The following EDDM3A variants were observed in gnomAD, a reference collection of about 807,000 sequenced individuals.
EDDM3A encodes epididymal secretory protein E3-alpha.
For synonymous variants in EDDM3A, 75 were observed against 60.4 expected, an observed-to-expected ratio of 1.24 and a Z score of -1.12; for missense variants, 199 against 177.4, an observed-to-expected ratio of 1.12 and a Z score of -0.69.
the EDDM3A span, among the ~76,000 whole-genome samples, chr14:20,740,167 G>C: frequency 6.6e-6 from 1 of 152,202 alleles, no homozygotes; most frequent in Non-Finnish European, 1.5e-5. Context: ...TTGTCTGACT[G>C]TCATAAAAAT....
At chr14:20,738,875 A>G in the EDDM3A span, among the ~76,000 whole-genome samples, 3 of 152,094 alleles carry the variant, frequency 2.0e-5, no homozygotes, top group Non-Finnish European at 4.4e-5. Flanking sequence ...AATGAGGGAA[A>G]GTTTGGTCAT....
the EDDM3A span, among the ~76,000 whole-genome samples, chr14:20,736,115 T>C: frequency 1.3e-5 from 2 of 151,906 alleles, no homozygotes; most frequent in African/African-American, 4.8e-5. Flanking sequence ...CACTTTTTTT[T>C]TTTTTTTTCT....
upstream of EDDM3A, among the ~76,000 whole-genome samples, chr14:20,741,723 T>C (rs759959396): frequency 3.3e-5 from 5 of 152,128 alleles, no homozygotes; most frequent in African/African-American, 4.8e-5. Flanking sequence ...AGAACTTCTG[T>C]AATAAGGATC....
the EDDM3A span, among the ~76,000 whole-genome samples, chr14:20,740,031 T>A: frequency 6.6e-6 from 1 of 152,092 alleles, no homozygotes; most frequent in Non-Finnish European, 1.5e-5. Flanking sequence ...CATCTCCCTG[T>A]CCCAAGACTG....
In EDDM3A at chr14:20,748,116, G is replaced by A. The variant is rs898951156; in HGVS notation, c.*92G>A. 4.3e-5 allele frequency: 38 copies of A among 888,496 alleles called. No individual in the cohort carries two copies. Among genetic ancestry groups the A allele is most frequent in the East Asian group, 1.8e-4 (7 of 39,730 alleles). The allele number at this position is 888,496 out of a possible 1,614,324, so 55.0% of individuals were successfully genotyped here. Reference sequence around the variant, plus strand: ...CCATCAATAGCCCCTGCCACTCCCCGCTTACATTTATGTGTCAGTGTTTTC... The same window carrying A: ...CCATCAATAGCCCCTGCCACTCCCCACTTACATTTATGTGTCAGTGTTTTC... On this transcript the variant is annotated 3_prime_UTR_variant, in exon 2 of 2. Coordinates refer to ENST00000326842, the MANE Select transcript of EDDM3A (RefSeq NM_006683.5).
At chr14:20,740,861 C>T in the EDDM3A span, among the ~76,000 whole-genome samples, 3 of 139,856 alleles carry the variant, frequency 2.1e-5, no homozygotes, top group Admixed American at 2.0e-4. Context: ...TCACACCTGT[C>T]AGAGGACCTA....
rs556554820 is a variant in EDDM3A, at chr14:20,748,171, T to C, written c.*147T>C. On this transcript the variant is annotated 3_prime_UTR_variant, in exon 2 of 2. Transcript: ENST00000326842. ...TACTTAGAGTTTATGTACCTCGTGA[T>C]TTCTTGATACCAAATCTTTGTGTGG... is the stretch of plus-strand genomic sequence containing the variant. The C allele has an allele frequency of 5.1e-6, 3 of 588,578 alleles. No homozygotes were observed. The highest frequency in any genetic ancestry group is 3.7e-5 in the African/African-American group (2 of 53,438). 36.5% of individuals were successfully genotyped at this position (588,578 alleles called of 1,614,324 possible). A position where few individuals can be genotyped will look rare whatever the true frequency, so the allele number is the denominator to read the frequency against.
chr14:20,736,721 A>AT, the EDDM3A span, among the ~76,000 whole-genome samples: 3 of 151,494 alleles, frequency 2.0e-5, no homozygotes, highest in Admixed American at 2.0e-4. Flanking sequence ...TTATTTATTT[A>AT]TTTTTTTAAG....
the EDDM3A span, among the ~76,000 whole-genome samples, chr14:20,736,864 C>A: frequency 6.6e-6 from 1 of 152,006 alleles, no homozygotes; most frequent in Non-Finnish European, 1.5e-5. Flanking sequence ...GCGTGAGCCA[C>A]CATGCCTGGC....
chr14:20,743,749 G>A (rs772915221), upstream of EDDM3A, among the ~76,000 whole-genome samples: 9 of 152,128 alleles, frequency 5.9e-5, 1 homozygote, highest in South Asian at 4.1e-4. Context: ...GACCCATTAC[G>A]TAGTTTCCAG....
At chr14:20,746,172 C>T (rs767232027) in intron 1 of EDDM3A, among the ~76,000 whole-genome samples, 180 bp downstream of exon 1, 7 of 152,290 alleles carry the variant, frequency 4.6e-5, no homozygotes, top group Middle Eastern at 3.4e-3. Flanking sequence ...CTTCCTTCAC[C>T]GCCAGTCCTC....
the EDDM3A span, among the ~76,000 whole-genome samples, chr14:20,739,377 C>A: frequency 6.6e-6 from 1 of 152,198 alleles, no homozygotes; most frequent in Non-Finnish European, 1.5e-5. Context: ...TGATATCCAT[C>A]CCTTATTTGG....
At chr14:20,738,169 G>A in the EDDM3A span, among the ~76,000 whole-genome samples, 1 of 152,130 alleles carries the variant, frequency 6.6e-6, no homozygotes, top group African/African-American at 2.4e-5. Context: ...AGTCAGAAGA[G>A]ATTAGTATCA....
At position 20,747,826 on chromosome 14, in the gene EDDM3A, T is replaced by G. The variant is rs933150822; in HGVS notation, c.246T>G (p.Asn82Lys). The G allele has an allele frequency of 1.2e-6, 2 of 1,613,976 alleles. No individual in the cohort carries two copies. The highest frequency in any genetic ancestry group is 1.7e-6 in the Non-Finnish European group (2 of 1,180,028). The change falls in exon 2 of 2, where the codon AAT becomes AAG. Residue 82 changes from asparagine (N) to lysine (K), a missense_variant. Physicochemically the swap from Asn to Lys is moderately conservative, Grantham distance 94. Coordinates refer to ENST00000326842, the MANE Select transcript of EDDM3A (RefSeq NM_006683.5). Reference sequence around the variant, plus strand: ...TCAAAATTCAGCGTGCATGCATCAATGAGAAGGGGAGCGACCGATATAGAA... The same window carrying G: ...TCAAAATTCAGCGTGCATGCATCAAGGAGAAGGGGAGCGACCGATATAGAA... Reference protein sequence around the residue: ...LWFKIQRACINEKGSDRYRNA... With the variant: ...LWFKIQRACIKEKGSDRYRNA...
At chr14:20,746,725 A>C (rs768570411) in intron 1 of EDDM3A, among the ~76,000 whole-genome samples, 1 of 152,226 alleles carries the variant, frequency 6.6e-6, no homozygotes, top group Non-Finnish European at 1.5e-5. Flanking sequence ...AAGTGTTATA[A>C]GGAAGTCAAG....
At chr14:20,743,892 T>C (rs1877508745), upstream of EDDM3A, among the ~76,000 whole-genome samples, 1 of 152,194 alleles carries the variant, frequency 6.6e-6, no homozygotes, top group African/African-American at 2.4e-5. Flanking sequence ...TTTAGGACTT[T>C]GGGCTTAGCT....
chr14:20,742,402 G>A (rs1243652949), upstream of EDDM3A, among the ~76,000 whole-genome samples: 2 of 152,202 alleles, frequency 1.3e-5, no homozygotes, highest in East Asian at 1.9e-4. Context: ...CCTCGCGTAA[G>A]AAATCTTATC....
chr14:20,737,054 C>CTTTTTTCTTTTTTTTTTTTTT, the EDDM3A span, among the ~76,000 whole-genome samples: 1 of 109,964 alleles, frequency 9.1e-6, no homozygotes, highest in African/African-American at 3.1e-5. Flanking sequence ...TTTCTTTTTC[C>CTTTTTTCTTTTTTTTTTTTTT]TTTTTTTTTT....
chr14:20,738,160 G>T, the EDDM3A span, among the ~76,000 whole-genome samples: 2 of 152,228 alleles, frequency 1.3e-5, no homozygotes, highest in African/African-American at 4.8e-5. Flanking sequence ...ACTAACCAAA[G>T]TCAGAAGAGA....
Sources: gnomAD v4.1 joint callset for allele counts (sites outside exome capture counted in the v4.1 genomes callset) on GRCh38, gnomAD v4.1.1 for gene constraint, MANE v1.5 for transcripts, NCBI Gene and HGNC (gene_info 2026-07-23, HGNC 2026-07-21) for gene names.